The following RIPOR2 variants were observed in gnomAD, a reference collection of about 807,000 sequenced individuals.
RIPOR2 encodes the protein rho family-interacting cell polarization regulator 2.
A neutral mutation model predicts 114.5 loss-of-function variants in RIPOR2; 39 were observed. That is an observed-to-expected ratio of 0.34 (90% CI 0.26 to 0.44). The LOEUF is 0.44. Ranked by LOEUF, RIPOR2 falls within the 20% of genes least tolerant of loss-of-function variation. RIPOR2 has a pLI of 1.00. For synonymous variants in RIPOR2, 445 were observed against 484.4 expected, an observed-to-expected ratio of 0.92 and a Z score of 1.07; for missense variants, 1,007 against 1,255.1, an observed-to-expected ratio of 0.80 and a Z score of 2.99.
intron 1 of RIPOR2, among the ~76,000 whole-genome samples, chr6:24,954,551 G>A (rs1164835084): frequency 6.7e-6 from 1 of 149,170 alleles, no homozygotes; most frequent in Non-Finnish European, 1.5e-5. Flanking sequence ...AACCTCCCAG[G>A]CTTAAGCGTT....
intron 13 of RIPOR2, 94 bp from the exon 14 acceptor site, chr6:24,839,366 T>G (rs1425725451): frequency 1.4e-6 from 2 of 1,451,300 alleles, no homozygotes; most frequent in Admixed American, 2.9e-5. Context: ...CACTTTTTTT[T>G]TTGTTTCAAG....
chr6:24,873,935 G>T (rs1470145558), intron 2 of RIPOR2, 136 bp from the exon 3 acceptor site: 4 of 732,848 alleles, frequency 5.5e-6, no homozygotes, highest in Admixed American at 3.0e-5. Flanking sequence ...GTATGGTGGT[G>T]TGATCATAGC....
intron 1 of RIPOR2, among the ~76,000 whole-genome samples, chr6:24,999,227 A>G (rs570158243): frequency 1.3e-5 from 2 of 152,316 alleles, no homozygotes; most frequent in South Asian, 4.1e-4. Context: ...ACTGGACCCA[A>G]CATGGAGCTG....
intron 1 of RIPOR2, among the ~76,000 whole-genome samples, chr6:25,014,387 G>A (rs1775886549): frequency 6.6e-6 from 1 of 152,122 alleles, no homozygotes; most frequent in Non-Finnish European, 1.5e-5. Flanking sequence ...CTTTTTGAGA[G>A]ACACAAAGAT....
At chr6:25,004,005 C>G (rs561999280) in intron 1 of RIPOR2, among the ~76,000 whole-genome samples, 8 of 152,234 alleles carry the variant, frequency 5.3e-5, no homozygotes, top group African/African-American at 1.9e-4. Context: ...TTTTATATGT[C>G]CTAAACACAC....
chr6:24,940,592 T>C (rs944177843), upstream of RIPOR2, among the ~76,000 whole-genome samples: 3 of 152,136 alleles, frequency 2.0e-5, no homozygotes, highest in East Asian at 5.8e-4. Flanking sequence ...CCTAAAAATT[T>C]GTCTAATTTG....
At chr6:24,961,034 A>G (rs576515111) in intron 1 of RIPOR2, among the ~76,000 whole-genome samples, 1 of 152,160 alleles carries the variant, frequency 6.6e-6, no homozygotes, top group Non-Finnish European at 1.5e-5. Flanking sequence ...ATTTGAGGAG[A>G]GTCGGCTCTG....
chr6:24,992,422 T>G (rs530036130), intron 1 of RIPOR2, among the ~76,000 whole-genome samples: 102 of 152,244 alleles, frequency 6.7e-4, no homozygotes, highest in Non-Finnish European at 1.3e-3. Flanking sequence ...TCCTATACAC[T>G]AGCAACAGCC....
At chr6:24,826,889 TTCTC>T (rs1157117607) in intron 18 of RIPOR2, among the ~76,000 whole-genome samples, 23 of 146,002 alleles carry the variant, frequency 1.6e-4, no homozygotes, top group Non-Finnish European at 7.5e-5. Context: ...TTCTTTATAC[TTCTC>T]TGTTTACATT....
At chr6:24,916,067 A>G (rs376626021) in intron 1 of RIPOR2, among the ~76,000 whole-genome samples, 1 of 152,180 alleles carries the variant, frequency 6.6e-6, no homozygotes, top group African/African-American at 2.4e-5. Context: ...GTCCTCATCT[A>G]TCAAACGAAG....
intron 20 of RIPOR2, 56 bp from the exon 21 acceptor site, chr6:24,809,863 G>T: frequency 8.7e-7 from 1 of 1,152,560 alleles, no homozygotes; most frequent in Non-Finnish European, 1.3e-6. Context: ...AGAGTACCAC[G>T]AGACTTGGCA....
intron 1 of RIPOR2, among the ~76,000 whole-genome samples, chr6:24,890,498 A>G (rs1767248973): frequency 6.6e-6 from 1 of 152,152 alleles, no homozygotes; most frequent in Admixed American, 6.5e-5. Flanking sequence ...GAGACTTGGG[A>G]CAGTGGGGAG....
chr6:24,839,810 G>A lies in RIPOR2; in HGVS notation c.1858-538C>T, dbSNP rs575465887. 1.3e-4 allele frequency: 177 copies of A among 1,344,906 alleles called. No homozygotes were observed. The African/African-American group carries it at 1.8e-3, about 13-fold the overall frequency. The allele number at this position is 1,344,906 out of a possible 1,614,324, so 83.3% of individuals were successfully genotyped here. ...TCTAATTCCAAGTGGCAATGTCTTC[G>A]GTGTTTTACAAAAGGCGCTAGCTAT... is the stretch of plus-strand genomic sequence containing the variant. On this transcript the variant is annotated intron_variant, in intron 13 of 21. Coordinates refer to ENST00000643898, the MANE Select transcript of RIPOR2 (RefSeq NM_001286445.3).
chr6:24,839,521 AC>A (rs1761427238), intron 13 of RIPOR2: 1 of 1,401,332 alleles, frequency 7.1e-7, no homozygotes, highest in Non-Finnish European at 9.7e-7. Flanking sequence ...AGAATAGGAA[AC>A]AAGATTGGCC....
chr6:24,874,493 T>C (rs1765525955), intron 2 of RIPOR2, among the ~76,000 whole-genome samples: 1 of 152,212 alleles, frequency 6.6e-6, no homozygotes. Context: ...CCATCCTGCA[T>C]TTAGTTTCTT....
chr6:25,031,716 TA>T (rs1776959647), intron 1 of RIPOR2, among the ~76,000 whole-genome samples: 1 of 86,580 alleles, frequency 1.2e-5, no homozygotes, highest in African/African-American at 5.8e-5. Flanking sequence ...TATATATATA[TA>T]TATATATATA....
At chr6:24,862,745 C>A (rs1764187055) in intron 7 of RIPOR2, among the ~76,000 whole-genome samples, 1 of 152,046 alleles carries the variant, frequency 6.6e-6, no homozygotes, top group African/African-American at 2.4e-5. Flanking sequence ...AACGTGAGAG[C>A]AGCTAGGTTA....
chr6:24,840,282 T>C (rs992838913), intron 13 of RIPOR2: 1 of 1,038,540 alleles, frequency 9.6e-7, no homozygotes, highest in Non-Finnish European at 1.2e-6. Flanking sequence ...GAGGAAAGAA[T>C]GAATGCCTTG....
intron 1 of RIPOR2, among the ~76,000 whole-genome samples, chr6:24,954,555 A>G (rs1344129886): frequency 1.3e-5 from 2 of 149,848 alleles, no homozygotes; most frequent in African/African-American, 4.9e-5. Flanking sequence ...TCCCAGGCTT[A>G]AGCGTTTCTC....
Sources: allele counts gnomAD v4.1 joint callset (sites outside exome capture counted in the v4.1 genomes callset), GRCh38; gene constraint gnomAD v4.1.1; transcripts MANE v1.5; gene names NCBI Gene and HGNC (gene_info 2026-07-23, HGNC 2026-07-21).